The following SFR1 variants were observed in gnomAD, a reference collection of about 807,000 sequenced individuals.
SFR1 encodes the protein SWI5 dependent homologous recombination repair protein 1.
In SFR1, 24 loss-of-function variants were observed where a neutral mutation model predicts 26.2. That is an observed-to-expected ratio of 0.92 (90% CI 0.66 to 1.29). The LOEUF (loss-of-function observed/expected upper bound fraction) is 1.29, where lower values mean the gene tolerates loss of function less well. SFR1 is among the 50% of genes most tolerant of loss of function. The probability of loss-of-function intolerance (pLI) is 0.00; values close to 1 mark genes in which losing one functional copy is unlikely to be tolerated. For missense variants in SFR1, 276 were observed against 270.2 expected (o/e 1.02, Z -0.15); for synonymous variants, 77 against 96.6 (o/e 0.80, Z 1.19).
chr10:104,123,739 G>T lies in SFR1; in HGVS notation c.161G>T (p.Arg54Ile), dbSNP rs1460003501. The change falls in exon 3 of 4, where the codon AGA (arginine) becomes ATA (isoleucine). Residue 54 changes from arginine to isoleucine, a missense_variant. Arg to Ile is a moderately conservative substitution (Grantham distance 97). Coordinates refer to ENST00000369727, the MANE Select transcript of SFR1 (RefSeq NM_001002759.2). ...KQPMSATLRERLRKTRFSFNS... is the reference protein window; with the variant it reads ...KQPMSATLREILRKTRFSFNS... Reference sequence around the variant, plus strand: ...CCTATGAGTGCAACACTTAGAGAAAGATTAAGGAAAACAAGATTTTCATTT... The same window carrying T: ...CCTATGAGTGCAACACTTAGAGAAATATTAAGGAAAACAAGATTTTCATTT... The T allele has an allele frequency of 2.5e-6, 4 of 1,602,704 alleles. No individual in the cohort carries two copies. In the African/African-American group the frequency reaches 5.4e-5, roughly 22 times the overall value.
chr10:104,121,767 G>C (rs906837827), upstream of SFR1, among the ~76,000 whole-genome samples: 10 of 152,216 alleles, frequency 6.6e-5, no homozygotes, highest in Non-Finnish European at 1.3e-4. Flanking sequence ...AAGCCTGAAG[G>C]GAAGGCGGTT....
chr10:104,125,454 T>G (rs2087014875), intron 3 of SFR1, 59 bp from the exon 4 acceptor site: 9 of 1,377,380 alleles, frequency 6.5e-6, no homozygotes, highest in Non-Finnish European at 9.1e-6. Context: ...TTAACAACTT[T>G]AATTAAGTTG....
chr10:104,120,589 G>A (rs1033604792), upstream of SFR1, among the ~76,000 whole-genome samples: 1 of 152,012 alleles, frequency 6.6e-6, no homozygotes, highest in African/African-American at 2.4e-5. Flanking sequence ...AATCCATTAG[G>A]GAATGGTGAA....
At chr10:104,122,281 G>A in intron 1 of SFR1, 85 bp downstream of exon 1, 1 of 1,450,254 alleles carries the variant, frequency 6.9e-7, no homozygotes, top group Non-Finnish European at 9.1e-7. Context: ...CTCCCTTTCC[G>A]GGTCTGGGGA....
In SFR1 at chr10:104,122,174, C is replaced by G; in HGVS notation, c.-10C>G. 1.9e-6 allele frequency: 3 copies of G among 1,549,232 alleles called. No individual in the cohort carries two copies. Among genetic ancestry groups the G allele is most frequent in the Admixed American group, 2.0e-5 (1 of 50,988 alleles). On this transcript the variant is annotated 5_prime_UTR_variant, in exon 1 of 4. Coordinates refer to ENST00000369727, the MANE Select transcript of SFR1 (RefSeq NM_001002759.2). ...CCGCAGGTGCGCGCGCTTTTTTGCT[C>G]TCGCTGGGAATGGCGGAGGGAGGTA...
Position 104,126,048 on chromosome 10 carries a change from G to A in SFR1, c.*344G>A. ...CCAAAACCATTAGGGCTCAGAGGAA[G>A]GTATCCCAATGAATATCAATTAAGG... On this transcript the variant is annotated 3_prime_UTR_variant, in exon 4 of 4. Coordinates refer to ENST00000369727, the MANE Select transcript of SFR1 (RefSeq NM_001002759.2). The A allele has an allele frequency of 6.3e-6, 1 of 157,518 alleles. No individual in the cohort carries two copies. The highest frequency in any genetic ancestry group is 1.4e-5 in the Non-Finnish European group (1 of 71,584). 9.8% of individuals were successfully genotyped at this position (157,518 alleles called of 1,614,324 possible).
intron 2 of SFR1, 146 bp from the exon 3 acceptor site, chr10:104,123,568 T>G: frequency 1.8e-6 from 1 of 554,584 alleles, no homozygotes. Context: ...ATTAAAGTCA[T>G]TTTGTGATGC....
rs1415628319 is a variant in SFR1, at chr10:104,123,972, T to C, written c.394T>C (p.Ser132Pro). The C allele has an allele frequency of 6.2e-7, 1 of 1,614,040 alleles. No individual in the cohort carries two copies. The change falls in exon 3 of 4, where the codon TCT becomes CCT. Residue 132 changes from serine to proline, a missense_variant. By Grantham distance (74) the Ser-to-Pro change is moderately conservative. Transcript: ENST00000369727. ...TGTCTGTGAATCTCAGTCACTTGAT[T>C]CTGGATCATGCAGTGCTCTCCAAAA... is the stretch of plus-strand genomic sequence containing the variant. ...LNVCESQSLD[S>P]GSCSALQNEF... is the part of the protein sequence containing the mutation.
At chr10:104,120,761 C>G (rs1047919759), upstream of SFR1, among the ~76,000 whole-genome samples, 27 of 152,102 alleles carry the variant, frequency 1.8e-4, no homozygotes, top group Non-Finnish European at 3.5e-4. Flanking sequence ...AGTATGGTGC[C>G]AGGATTTGAA....
chr10:104,121,798 C>T (rs950310843), upstream of SFR1, among the ~76,000 whole-genome samples: 1 of 152,196 alleles, frequency 6.6e-6, no homozygotes, highest in African/African-American at 2.4e-5. Flanking sequence ...CAACAGAAGC[C>T]GCGAACGGAA....
Position 104,122,197 on chromosome 10 carries a change from G to C in SFR1, c.13+1G>C. 1 of 1,545,156 alleles carries C rather than the reference G, an allele frequency of 6.5e-7. No individual in the cohort carries two copies. Among genetic ancestry groups the C allele is most frequent in the Non-Finnish European group, 8.7e-7 (1 of 1,144,406 alleles). Reference sequence around the variant, plus strand: ...CTCTCGCTGGGAATGGCGGAGGGAGGTACCCTGCTGAGGGGAAGGGGGGAT... The same window carrying C: ...CTCTCGCTGGGAATGGCGGAGGGAGCTACCCTGCTGAGGGGAAGGGGGGAT... On this transcript the variant is annotated splice_donor_variant, in intron 1 of 3. Transcript: ENST00000369727. LOFTEE classifies it high-confidence loss of function.
Position 104,124,802 on chromosome 10 carries a change from T to C in SFR1, c.546+678T>C, listed in dbSNP as rs539562624. On this transcript the variant is annotated intron_variant, in intron 3 of 3. Coordinates refer to ENST00000369727, the MANE Select transcript of SFR1 (RefSeq NM_001002759.2). ...GTTGAAAAAATATATTTTATTTATTTATTCATTCTTTTTTTAGAGACATGG... is the reference window on the plus strand; with the variant it reads ...GTTGAAAAAATATATTTTATTTATTCATTCATTCTTTTTTTAGAGACATGG... 1.3e-4 allele frequency among the ~76,000 whole-genome samples: 20 copies of C among 152,270 alleles called. 1 individual carries two copies. The South Asian group carries it at 4.1e-3, about 32-fold the overall frequency.
intron 3 of SFR1, 141 bp downstream of exon 3, chr10:104,124,265 T>A: frequency 2.8e-6 from 2 of 708,138 alleles, no homozygotes; most frequent in South Asian, 2.8e-5. Flanking sequence ...ACAGCTTTAA[T>A]TCAACTCCAG....
At chr10:104,121,235 CACA>C (rs1424201675), upstream of SFR1, among the ~76,000 whole-genome samples, 1 of 152,106 alleles carries the variant, frequency 6.6e-6, no homozygotes, top group Non-Finnish European at 1.5e-5. Context: ...TGTGTTGCGC[CACA>C]ACAAATTTCC....
In SFR1 at chr10:104,125,525, C is replaced by T. The variant is rs765221790; in HGVS notation, c.559C>T (p.Gln187Ter). The T allele has an allele frequency of 7.4e-6, 12 of 1,610,980 alleles. No individual in the cohort carries two copies. Among genetic ancestry groups the T allele is most frequent in the South Asian group, 5.5e-5 (5 of 90,606 alleles). ...KMYRSKNDLS[Q>*]LQLLIKKWRS... ...TTTTCTGTTTCAGAATGATCTGTCT[C>T]AGTTACAGTTGTTAATAAAGAAGTG... The change falls in exon 4 of 4, where the codon CAG becomes TAG. Residue 187 changes from glutamine to a stop codon, truncating the protein, a stop_gained. Coordinates refer to ENST00000369727, the MANE Select transcript of SFR1 (RefSeq NM_001002759.2). LOFTEE classifies it high-confidence loss of function.
chr10:104,125,389 A>G, intron 3 of SFR1, 124 bp from the exon 4 acceptor site: 1 of 683,974 alleles, frequency 1.5e-6, no homozygotes. Context: ...TTTCCTAGAT[A>G]GAAGTCCCAT....
chr10:104,121,212 T>C (rs902460442), upstream of SFR1, among the ~76,000 whole-genome samples: 4 of 152,112 alleles, frequency 2.6e-5, no homozygotes, highest in Admixed American at 1.3e-4. Flanking sequence ...CATGTAGTGA[T>C]TGTTCTGCTT....
At position 104,125,767 on chromosome 10, in the gene SFR1, CTTT is replaced by C. The variant is rs201504294; in HGVS notation, c.*76_*78del. On this transcript the variant is annotated 3_prime_UTR_variant, in exon 4 of 4. Coordinates refer to ENST00000369727, the MANE Select transcript of SFR1 (RefSeq NM_001002759.2). ...AACTTAATTAAAAGATACTTAGGCA[CTTT>C]TTTTTTTTTTTTGAGACTGAGTTTC... The C allele has an allele frequency of 1.2e-3, 1,025 of 854,392 alleles. No homozygotes were observed. The highest frequency in any genetic ancestry group is 1.9e-3 in the Middle Eastern group (7 of 3,744). The allele number at this position is 854,392 out of a possible 1,614,324, so 52.9% of individuals were successfully genotyped here. A position where few individuals can be genotyped will look rare whatever the true frequency, so the allele number is the denominator to read the frequency against.
chr10:104,121,129 T>C (rs922356384), upstream of SFR1, among the ~76,000 whole-genome samples: 3 of 151,762 alleles, frequency 2.0e-5, no homozygotes, highest in African/African-American at 7.3e-5. Context: ...TTTTCTCGAC[T>C]GAGGATGCTG....
Sources: allele counts gnomAD v4.1 joint callset (sites outside exome capture counted in the v4.1 genomes callset), GRCh38; gene constraint gnomAD v4.1.1; transcripts MANE v1.5; gene names NCBI Gene and HGNC (gene_info 2026-07-23, HGNC 2026-07-21).